Variants in FAT3 observed in about 807,000 individuals in gnomAD.
FAT3 encodes the protein FAT atypical cadherin 3.
A neutral mutation model predicts 310.2 loss-of-function variants in FAT3; 95 were observed. That is an observed-to-expected ratio of 0.31 (90% CI 0.26 to 0.36). The LOEUF is 0.36. Among genes scored for constraint, FAT3 ranks in the 10% least tolerant of loss-of-function variants. FAT3 has a pLI of 1.00. For synonymous variants in FAT3, 2,314 were observed against 2,192.9 expected (o/e 1.06, Z -1.54); for missense variants, 5,408 against 5,715.6 (o/e 0.95, Z 1.74).
chr11:92,638,156 C>T (rs1432502426), intron 3 of FAT3, among the ~76,000 whole-genome samples: 2 of 152,150 alleles, frequency 1.3e-5, no homozygotes, highest in Non-Finnish European at 2.9e-5. Context: ...TTGAGAGGTA[C>T]TCATTGGACT....
At chr11:92,504,045 G>C (rs2135282874) in intron 2 of FAT3, among the ~76,000 whole-genome samples, 1 of 152,278 alleles carries the variant, frequency 6.6e-6, no homozygotes, top group Non-Finnish European at 1.5e-5. Context: ...AGAGCCCTAA[G>C]TGACTTGAAC....
At chr11:92,739,989 C>T (rs1945459363) in intron 4 of FAT3, among the ~76,000 whole-genome samples, 1 of 152,138 alleles carries the variant, frequency 6.6e-6, no homozygotes, top group Admixed American at 6.5e-5. Flanking sequence ...GGAGAAAGTA[C>T]AACTATCTGG....
At position 92,563,879 on chromosome 11, in the gene FAT3, A is replaced by G. The variant is rs1014017693; in HGVS notation, c.3607+38931A>G. ...CCAGGCCTGCCCTAAAAGAGCTCCT[A>G]AAGGAAGCACTAAACATGGAAAGGA... On this transcript the variant is annotated intron_variant, in intron 3 of 27. Coordinates refer to ENST00000525166, the MANE Select transcript of FAT3 (RefSeq NM_001367949.2). Among the ~76,000 whole-genome samples, 7 of 152,272 alleles carry G rather than the reference A, an allele frequency of 4.6e-5. No homozygotes were observed. In the East Asian group the frequency reaches 9.7e-4, roughly 21 times the overall value.
chr11:92,371,577 T>C (rs1047812194), intron 2 of FAT3, among the ~76,000 whole-genome samples: 2 of 151,810 alleles, frequency 1.3e-5, no homozygotes, highest in African/African-American at 4.8e-5. Flanking sequence ...ATCAGCCGAG[T>C]GTGGTGGCGC....
At chr11:92,856,952 C>T (rs1172127726) in intron 19 of FAT3, among the ~76,000 whole-genome samples, 1 of 152,158 alleles carries the variant, frequency 6.6e-6, no homozygotes, top group African/African-American at 2.4e-5. Context: ...AAACAAGGAG[C>T]TCTGTTTACT....
intron 1 of FAT3, among the ~76,000 whole-genome samples, chr11:92,233,307 C>A (rs1179137213): frequency 6.6e-6 from 1 of 152,146 alleles, no homozygotes; most frequent in South Asian, 2.1e-4. Context: ...TAAGTCAGAG[C>A]TATTTAAAGT....
At chr11:92,887,863 G>A (rs958482702) in intron 25 of FAT3, among the ~76,000 whole-genome samples, 1 of 152,288 alleles carries the variant, frequency 6.6e-6, no homozygotes, top group Admixed American at 6.5e-5. Context: ...TGTTTTCAAC[G>A]TGCTGGGTAA....
chr11:92,332,579 G>A (rs902502759), intron 1 of FAT3, among the ~76,000 whole-genome samples: 1 of 152,114 alleles, frequency 6.6e-6, no homozygotes, highest in African/African-American at 2.4e-5. Flanking sequence ...GGTTGAGGAA[G>A]GGGCTTTACT....
rs2136444487 is a variant in FAT3 at position 92,890,648 on chromosome 11, T to A, written c.13305T>A (p.Ser4435Arg). ...DYYLGGYDID[S>R]EYPPPHEEEF... The stretch of plus-strand genomic sequence containing the variant: ...ACCTGGGTGGTTATGACATTGACAG[T>A]GAATACCCACCCCCTCATGAAGAGG... The change falls in exon 28 of 28, where the codon AGT (serine) becomes AGA (arginine). Residue 4435 changes from serine (S) to arginine (R), a missense_variant. Physicochemically the swap from Ser to Arg is moderately radical, Grantham distance 110 (BLOSUM62 -1). This residue lies in a region of FAT3 where 649 missense variants were observed against 666.2 expected (regional missense o/e 0.97). Transcript: ENST00000525166. The A allele has an allele frequency of 6.2e-7, 1 of 1,613,722 alleles. No individual in the cohort carries two copies. Among genetic ancestry groups the A allele is most frequent in the Non-Finnish European group, 8.5e-7 (1 of 1,179,850 alleles).
At chr11:92,568,980 A>G (rs141050629) in intron 3 of FAT3, among the ~76,000 whole-genome samples, 4 of 152,262 alleles carry the variant, frequency 2.6e-5, no homozygotes, top group Non-Finnish European at 5.9e-5. Flanking sequence ...TCCTCATGAA[A>G]ACGAAGGCAA....
chr11:92,360,175 C>A (rs1424003123), intron 2 of FAT3, among the ~76,000 whole-genome samples: 1 of 152,148 alleles, frequency 6.6e-6, no homozygotes, highest in East Asian at 1.9e-4. Flanking sequence ...GATACAAAAT[C>A]AATGTACAAA....
chr11:92,575,759 C>CT (rs1009740794), intron 3 of FAT3, among the ~76,000 whole-genome samples: 13 of 151,780 alleles, frequency 8.6e-5, no homozygotes, highest in Non-Finnish European at 1.8e-4. Context: ...GAGAGGGGGT[C>CT]TTTTTTTTGT....
At chr11:92,614,383 A>G (rs1456684201) in intron 3 of FAT3, among the ~76,000 whole-genome samples, 1 of 152,138 alleles carries the variant, frequency 6.6e-6, no homozygotes, top group Non-Finnish European at 1.5e-5. Context: ...CGAGGGTTCC[A>G]TTTCCCAACA....
At position 92,880,953 on chromosome 11, in the gene FAT3, T is replaced by TGGTTTAC. The variant is rs1949659258; in HGVS notation, c.12281+69_12281+70insGGTTTAC. On this transcript the variant is annotated intron_variant, in intron 23 of 27. Coordinates refer to ENST00000525166, the MANE Select transcript of FAT3 (RefSeq NM_001367949.2). ...TTGCTACAACAAACCAGTAAACAAC[T>TGGTTTAC]AATGAGGGTAAAATATTTACCACTA... 5 of 1,513,466 alleles carry TGGTTTAC rather than the reference T, an allele frequency of 3.3e-6. No individual in the cohort carries two copies. In the Admixed American group the frequency reaches 7.3e-5, roughly 22 times the overall value. The allele number at this position is 1,513,466 out of a possible 1,614,324, so 93.8% of individuals were successfully genotyped here.
intron 1 of FAT3, among the ~76,000 whole-genome samples, chr11:92,275,163 C>G (rs914052683): frequency 3.9e-5 from 6 of 152,124 alleles, no homozygotes; most frequent in African/African-American, 1.4e-4. Context: ...CCATCCATCT[C>G]TTTGTCACGG....
chr11:92,549,322 A>G (rs1294647744), intron 3 of FAT3, among the ~76,000 whole-genome samples: 2 of 152,212 alleles, frequency 1.3e-5, no homozygotes, highest in African/African-American at 4.8e-5. Flanking sequence ...ATTTCAAGCC[A>G]AGGTTCCCAT....
intron 2 of FAT3, among the ~76,000 whole-genome samples, chr11:92,449,515 C>G (rs141701122): frequency 5.9e-5 from 9 of 152,218 alleles, no homozygotes; most frequent in African/African-American, 1.9e-4. Context: ...TCACCCCTCT[C>G]CCTCCTTAGA....
intron 13 of FAT3, among the ~76,000 whole-genome samples, chr11:92,812,806 A>G (rs1159594564): frequency 1.3e-5 from 2 of 152,164 alleles, no homozygotes; most frequent in African/African-American, 4.8e-5. Context: ...GCCTCCTGCT[A>G]GCCACTTTAC....
chr11:92,492,158 G>T (rs1194350201), intron 2 of FAT3, among the ~76,000 whole-genome samples: 1 of 151,994 alleles, frequency 6.6e-6, no homozygotes, highest in East Asian at 1.9e-4. Context: ...ACAGAAGATT[G>T]CCCTCCTTTG....
Sources: gnomAD v4.1 joint callset for allele counts (sites outside exome capture counted in the v4.1 genomes callset) on GRCh38, gnomAD v4.1.1 for gene constraint, gnomAD v4.1.1 regional missense constraint, MANE v1.5 for transcripts, NCBI Gene and HGNC (gene_info 2026-07-23, HGNC 2026-07-21) for gene names.